Variants in ACER3 observed in about 807,000 individuals in gnomAD.
ACER3 encodes the protein alkaline ceramidase 3.
ACER3 carries 16 observed loss-of-function variants against 48.9 expected under a neutral mutation model. That is an observed-to-expected ratio of 0.33 (90% CI 0.22 to 0.50). The LOEUF is 0.50. Among genes scored for constraint, ACER3 ranks in the 20% least tolerant of loss-of-function variants. The pLI is 0.98. For missense variants in ACER3, 227 were observed against 326.0 expected (o/e 0.70, Z 2.34); for synonymous variants, 109 against 107.8 (o/e 1.01, Z -0.07).
chr11:76,985,364 G>A lies in ACER3; in HGVS notation c.321-279G>A, dbSNP rs190347659. On this transcript the variant is annotated intron_variant, in intron 4 of 10. Transcript: ENST00000532485. ...GTGATCCTCCTGCACTGGCCACCGC[G>A]CCCAGCTAACTCTCTATACTGAATT... Among the ~76,000 whole-genome samples the A allele has an allele frequency of 2.9e-3, 444 of 152,162 alleles. 8 individuals are homozygous for A. Among genetic ancestry groups the A allele is most frequent in the African/African-American group, 1.7e-3 (71 of 41,524 alleles).
chr11:76,881,948 T>C (rs990125008), intron 1 of ACER3, among the ~76,000 whole-genome samples: 6 of 152,030 alleles, frequency 3.9e-5, no homozygotes, highest in African/African-American at 1.2e-4. Flanking sequence ...ATTACAGATA[T>C]ATTGCATAGT....
intron 1 of ACER3, among the ~76,000 whole-genome samples, chr11:76,921,393 G>C (rs550266978): frequency 6.6e-6 from 1 of 152,260 alleles, no homozygotes; most frequent in African/African-American, 2.4e-5. Context: ...ATTTATTTTT[G>C]TGTAAGGAGT....
At chr11:76,963,709 T>A (rs1317032465) in intron 3 of ACER3, among the ~76,000 whole-genome samples, 2 of 151,470 alleles carry the variant, frequency 1.3e-5, no homozygotes, top group East Asian at 3.8e-4. Context: ...CCACCCTGTA[T>A]TATTCCTATC....
intron 4 of ACER3, among the ~76,000 whole-genome samples, chr11:76,980,904 A>C: frequency 6.6e-6 from 1 of 152,224 alleles, no homozygotes; most frequent in East Asian, 1.9e-4. Flanking sequence ...AACTTATTGT[A>C]TGCTATTCAT....
At chr11:76,921,474 G>A (rs954901410) in intron 1 of ACER3, among the ~76,000 whole-genome samples, 13 of 152,090 alleles carry the variant, frequency 8.5e-5, no homozygotes, top group Non-Finnish European at 1.8e-4. Context: ...GTATTGAAAA[G>A]ACCATCCTTT....
At chr11:76,892,893 G>T (rs750869510) in intron 1 of ACER3, among the ~76,000 whole-genome samples, 1 of 152,078 alleles carries the variant, frequency 6.6e-6, no homozygotes. Context: ...TGTGGATGAC[G>T]TGACCTTTAT....
At chr11:76,933,396 G>A (rs1222587416) in intron 2 of ACER3, among the ~76,000 whole-genome samples, 3 of 146,234 alleles carry the variant, frequency 2.1e-5, no homozygotes, top group Admixed American at 2.1e-4. Context: ...AGTGAACAAA[G>A]GTCTCTGGTT....
At chr11:77,010,361 A>C (rs1265836116) in intron 7 of ACER3, among the ~76,000 whole-genome samples, 1 of 151,816 alleles carries the variant, frequency 6.6e-6, no homozygotes, top group Non-Finnish European at 1.5e-5. Flanking sequence ...TTTTTTTAAA[A>C]ATTATAAAAT....
chr11:77,007,807 T>C (rs1949184541), intron 7 of ACER3, among the ~76,000 whole-genome samples: 1 of 152,216 alleles, frequency 6.6e-6, no homozygotes, highest in African/African-American at 2.4e-5. Context: ...CACCTTCTAA[T>C]ACCCTGATGA....
intron 1 of ACER3, among the ~76,000 whole-genome samples, chr11:76,890,954 C>A (rs1945788966): frequency 6.6e-6 from 1 of 151,620 alleles, no homozygotes; most frequent in African/African-American, 2.4e-5. Context: ...CCTGTCTCTA[C>A]CAAAAAATAC....
At chr11:76,911,548 A>G (rs560619393) in intron 1 of ACER3, among the ~76,000 whole-genome samples, 1 of 152,202 alleles carries the variant, frequency 6.6e-6, no homozygotes, top group African/African-American at 2.4e-5. Context: ...ATCTCCTGAG[A>G]ATGCAGCTCA....
chr11:76,963,370 T>C (rs982250518), intron 3 of ACER3, among the ~76,000 whole-genome samples: 3 of 151,516 alleles, frequency 2.0e-5, no homozygotes, highest in Non-Finnish European at 4.4e-5. Flanking sequence ...GTGAAAGCTT[T>C]TCAATTCAGC....
intron 2 of ACER3, among the ~76,000 whole-genome samples, chr11:76,934,557 C>T (rs745540422): frequency 5.1e-4 from 77 of 152,364 alleles, no homozygotes; most frequent in Non-Finnish European, 8.4e-4. Context: ...GCGTGGCGTG[C>T]GCCTGCAATC....
At chr11:76,886,679 GTTTTGCTGTTATTGT>G (rs1945680245) in intron 1 of ACER3, among the ~76,000 whole-genome samples, 1 of 152,114 alleles carries the variant, frequency 6.6e-6, no homozygotes, top group Admixed American at 6.5e-5. Flanking sequence ...TACTATGGGG[GTTTTGCTGTTATTGT>G]TTTTGAGACA....
At chr11:76,992,845 G>A (rs138871844) in intron 6 of ACER3, among the ~76,000 whole-genome samples, 145 of 150,560 alleles carry the variant, frequency 9.6e-4, no homozygotes, top group African/African-American at 3.5e-3. Flanking sequence ...CTCTGAGCTG[G>A]CTTCCTCGTT....
At chr11:76,967,987 A>C (rs1948184112) in intron 3 of ACER3, among the ~76,000 whole-genome samples, 1 of 152,220 alleles carries the variant, frequency 6.6e-6, no homozygotes, top group African/African-American at 2.4e-5. Context: ...AATTAGGAAA[A>C]GAGGAAGTCA....
intron 2 of ACER3, among the ~76,000 whole-genome samples, chr11:76,940,167 G>A (rs1947299964): frequency 1.3e-5 from 2 of 151,268 alleles, no homozygotes; most frequent in African/African-American, 2.4e-5. Context: ...TTTTTAAATA[G>A]AGATGGGTTC....
chr11:76,932,269 C>G (rs1222164399), intron 2 of ACER3, among the ~76,000 whole-genome samples: 1 of 151,998 alleles, frequency 6.6e-6, no homozygotes, highest in Non-Finnish European at 1.5e-5. Context: ...TTTTATAACT[C>G]TCTAAAGTCT....
At chr11:76,865,553 G>T (rs1945060419) in intron 1 of ACER3, among the ~76,000 whole-genome samples, 1 of 151,178 alleles carries the variant, frequency 6.6e-6, no homozygotes, top group African/African-American at 2.4e-5. Context: ...CTGTCACCCA[G>T]GCTGGAGTGC....
Sources: allele counts gnomAD v4.1 joint callset (sites outside exome capture counted in the v4.1 genomes callset), GRCh38; gene constraint gnomAD v4.1.1; transcripts MANE v1.5; gene names NCBI Gene and HGNC (gene_info 2026-07-23, HGNC 2026-07-21).